CSMD1: variants seen among roughly 807,000 people sequenced by gnomAD.
CSMD1 encodes CUB and sushi domain-containing protein 1.
A neutral mutation model predicts 417.5 loss-of-function variants in CSMD1; 213 were observed. The observed-to-expected ratio is 0.51, with a 90% CI of 0.46 to 0.57. The LOEUF (loss-of-function observed/expected upper bound fraction) is 0.57. Among genes scored for constraint, CSMD1 ranks in the 20% least tolerant of loss-of-function variants. The pLI is 0.00. For synonymous variants in CSMD1, 2,862 were observed against 1,736.8 expected (o/e 1.65, Z -16.11); for missense variants, 6,923 against 4,529.7 (o/e 1.53, Z -15.17).
chr8:3,295,972 C>G (rs1411737474), intron 25 of CSMD1, among the ~76,000 whole-genome samples: 1 of 151,936 alleles, frequency 6.6e-6, no homozygotes, highest in Non-Finnish European at 1.5e-5. Flanking sequence ...TCGTGGAGTT[C>G]GTGTTGTACA....
chr8:3,367,304 GGGGGCAGAGAGGGAGC>G (rs1023633848), intron 19 of CSMD1, 57 bp from the exon 20 acceptor site: 89 of 775,826 alleles, frequency 1.1e-4, no homozygotes, highest in Non-Finnish European at 1.6e-4. Flanking sequence ...ACGGGGCGGC[GGGGGCAGAGAGGGAGC>G]GGGGCAGAGA....
At chr8:4,053,726 GA>G (rs1415418032) in intron 3 of CSMD1, among the ~76,000 whole-genome samples, 3 of 152,124 alleles carry the variant, frequency 2.0e-5, no homozygotes, top group Admixed American at 6.5e-5. Flanking sequence ...AAATGCTCCA[GA>G]ACTGGCTTCT....
At chr8:3,959,011 T>G (rs2740838) in intron 5 of CSMD1, among the ~76,000 whole-genome samples, 99,441 of 151,656 alleles carry the variant, frequency 0.66, 33,105 homozygotes, top group East Asian at 0.93. Context: ...CCCTCCTCCC[T>G]ACTCTGCGGC....
chr8:4,600,086 G>C (rs757276855), intron 2 of CSMD1, among the ~76,000 whole-genome samples: 1 of 152,172 alleles, frequency 6.6e-6, no homozygotes, highest in Non-Finnish European at 1.5e-5. Flanking sequence ...TGTGGAGTTA[G>C]GACTAGAGGG....
intron 17 of CSMD1, among the ~76,000 whole-genome samples, chr8:3,395,044 G>C (rs554164334): frequency 2.6e-5 from 4 of 152,254 alleles, no homozygotes; most frequent in African/African-American, 9.6e-5. Context: ...AAATGTGCTG[G>C]AGTGGGGCTC....
At chr8:4,739,204 T>C (rs1280811599) in intron 1 of CSMD1, among the ~76,000 whole-genome samples, 1 of 152,200 alleles carries the variant, frequency 6.6e-6, no homozygotes, top group African/African-American at 2.4e-5. Context: ...AATAATTCTA[T>C]CTATTAAAGC....
At chr8:3,722,122 C>T (rs554977106) in intron 6 of CSMD1, among the ~76,000 whole-genome samples, 2 of 152,068 alleles carry the variant, frequency 1.3e-5, no homozygotes, top group Admixed American at 6.6e-5. Flanking sequence ...GCAGGTGGAT[C>T]ACTTGAGGTC....
intron 3 of CSMD1, among the ~76,000 whole-genome samples, chr8:4,394,374 G>C (rs939021317): frequency 1.3e-5 from 2 of 152,160 alleles, no homozygotes; most frequent in African/African-American, 4.8e-5. Flanking sequence ...TTTCCATCAT[G>C]AGCTCCACTA....
At chr8:4,601,782 G>T (rs1217493282) in intron 2 of CSMD1, among the ~76,000 whole-genome samples, 1 of 152,156 alleles carries the variant, frequency 6.6e-6, no homozygotes, top group African/African-American at 2.4e-5. Flanking sequence ...TTGACCAAAT[G>T]AAAAGTGAGT....
chr8:3,765,232 T>G (rs1798205064), intron 5 of CSMD1, among the ~76,000 whole-genome samples: 1 of 152,224 alleles, frequency 6.6e-6, no homozygotes. Context: ...GACTGTCTGC[T>G]GTGCTCCTGC....
At chr8:3,686,649 C>G (rs1799958172) in intron 7 of CSMD1, among the ~76,000 whole-genome samples, 1 of 152,120 alleles carries the variant, frequency 6.6e-6, no homozygotes, top group South Asian at 2.1e-4. Flanking sequence ...ACAAACAAAC[C>G]TTGCTACACT....
At chr8:3,307,649 G>A (rs766113182) in intron 25 of CSMD1, 46 bp downstream of exon 25, 2 of 1,576,900 alleles carry the variant, frequency 1.3e-6, no homozygotes, top group Non-Finnish European at 1.7e-6. Flanking sequence ...AGAATAGAAG[G>A]CATATCTCTT....
intron 5 of CSMD1, among the ~76,000 whole-genome samples, chr8:3,868,408 C>T (rs1455114334): frequency 1.3e-5 from 2 of 152,066 alleles, no homozygotes; most frequent in Non-Finnish European, 2.9e-5. Flanking sequence ...GCAGATGGTC[C>T]ACACAAGGGC....
At position 4,531,646 on chromosome 8, in the gene CSMD1, G is replaced by A. The variant is rs559618308; in HGVS notation, c.302+105696C>T. ...CCCTCATGGTGCACCATGGCCCCAC[G>A]CTAGCTCTGTGTGCTTATCTAGTTT... On this transcript the variant is annotated intron_variant, in intron 2 of 69. Transcript: ENST00000635120. Among the ~76,000 whole-genome samples the A allele has an allele frequency of 3.4e-4, 52 of 152,174 alleles. No individual in the cohort carries two copies. The South Asian group carries it at 0.01, about 30-fold the overall frequency.
intron 3 of CSMD1, among the ~76,000 whole-genome samples, chr8:4,240,658 T>G (rs1439028449): frequency 6.6e-6 from 1 of 152,162 alleles, no homozygotes; most frequent in African/African-American, 2.4e-5. Flanking sequence ...AGTACTCCCC[T>G]TATACACTCC....
At chr8:4,789,391 A>G (rs889482696) in intron 1 of CSMD1, among the ~76,000 whole-genome samples, 1 of 152,146 alleles carries the variant, frequency 6.6e-6, no homozygotes, top group African/African-American at 2.4e-5. Flanking sequence ...GCTCTGGGTG[A>G]TTTTTACCTA....
At chr8:3,661,108 T>G (rs62474684) in intron 7 of CSMD1, among the ~76,000 whole-genome samples, 26,289 of 152,164 alleles carry the variant, frequency 0.17, 2,723 homozygotes, top group East Asian at 0.38. Flanking sequence ...TTCCATCTGT[T>G]AAAGCAAACT....
At chr8:4,989,935 C>T (rs546462576) in intron 1 of CSMD1, among the ~76,000 whole-genome samples, 1 of 152,094 alleles carries the variant, frequency 6.6e-6, no homozygotes, top group Non-Finnish European at 1.5e-5. Context: ...GAAGCATTGC[C>T]CCCGGGAGGA....
chr8:3,110,771 T>A (rs1816460945), intron 42 of CSMD1, among the ~76,000 whole-genome samples: 1 of 152,102 alleles, frequency 6.6e-6, no homozygotes, highest in Non-Finnish European at 1.5e-5. Context: ...CTAAGTCTAC[T>A]TGCCTTAAAA....
Sources: allele counts gnomAD v4.1 joint callset (sites outside exome capture counted in the v4.1 genomes callset), GRCh38; gene constraint gnomAD v4.1.1; transcripts MANE v1.5; gene names NCBI Gene and HGNC (gene_info 2026-07-23, HGNC 2026-07-21).